TADA3: variants seen among roughly 807,000 people sequenced by gnomAD.
TADA3 encodes the protein transcriptional adaptor 3.
Under a neutral mutation model 43.2 loss-of-function variants are expected in TADA3, and 25 were observed. The ratio of observed to expected loss-of-function variants is 0.58; its 90% CI spans 0.42 to 0.81. TADA3 has a LOEUF of 0.81. Among genes scored for constraint, TADA3 ranks in the 30% least tolerant of loss-of-function variants. The pLI is 0.00. For missense variants in TADA3, 441 were observed against 567.8 expected (o/e 0.78, Z 2.27); for synonymous variants, 235 against 225.5 (o/e 1.04, Z -0.38).
Position 9,789,498 on chromosome 3 carries a change from A to G in TADA3, c.564+11T>C. ...TTCCGCATCATGTCTATCAAGGCCC[A>G]GAGTTTCTACCTTGTAATGCTCAGC... On this transcript the variant is annotated intron_variant, in intron 4 of 8. Transcript: ENST00000301964. 6.2e-7 allele frequency: 1 copy of G among 1,612,006 alleles called. No individual in the cohort carries two copies. The highest frequency in any genetic ancestry group is 8.5e-7 in the Non-Finnish European group (1 of 1,178,572).
intron 2 of TADA3, among the ~76,000 whole-genome samples, chr3:9,790,463 G>A (rs909419105): frequency 1.3e-5 from 2 of 152,124 alleles, no homozygotes; most frequent in African/African-American, 2.4e-5. Flanking sequence ...CAGCTCCAAC[G>A]TGCACCCAAT....
rs1240378309 is a variant in TADA3 at position 9,787,211 on chromosome 3, G to C, written c.694C>G (p.Leu232Val). The change falls in exon 5 of 9, where the codon CTG becomes GTG. Residue 232 changes from leucine to valine, a missense_variant. Physicochemically the swap from Leu to Val is conservative, Grantham distance 32. Transcript: ENST00000301964. ...KKGLMGPLTE[L>V]DTKDVDALLK... ...GTGAGAGGCCTACCTTTAGTGTCCA[G>C]TTCGGTCAGTGGCCCCATGAGGCCT... The C allele has an allele frequency of 6.2e-7, 1 of 1,614,098 alleles. No individual in the cohort carries two copies. The highest frequency in any genetic ancestry group is 8.5e-7 in the Non-Finnish European group (1 of 1,180,040).
In TADA3 at chr3:9,787,222, G is replaced by A. The variant is rs1413495106; in HGVS notation, c.683C>T (p.Pro228Leu). The change falls in exon 5 of 9, where the codon CCA (proline) becomes CTA (leucine). Residue 228 changes from proline to leucine, a missense_variant. By Grantham distance (98) the Pro-to-Leu change is moderately conservative. Transcript: ENST00000301964. ...ACCTTTAGTGTCCAGTTCGGTCAGT[G>A]GCCCCATGAGGCCTTTCTTCTTGTC... is the stretch of plus-strand genomic sequence containing the variant. Reference protein sequence around the residue: ...VADKKKGLMGPLTELDTKDVD... With the variant: ...VADKKKGLMGLLTELDTKDVD... 1.2e-6 allele frequency: 2 copies of A among 1,614,192 alleles called. No individual in the cohort carries two copies. The highest frequency in any genetic ancestry group is 1.7e-5 in the Admixed American group (1 of 60,024).
chr3:9,792,577 G>A (rs2078765343), upstream of TADA3: 7 of 1,229,416 alleles, frequency 5.7e-6, no homozygotes, highest in Non-Finnish European at 6.1e-6. Context: ...CTCGAGCAAA[G>A]CCGCTAGAGG....
chr3:9,786,974 A>G, intron 6 of TADA3, 32 bp downstream of exon 6: 3 of 1,571,000 alleles, frequency 1.9e-6, no homozygotes, highest in South Asian at 1.1e-5. Flanking sequence ...CACAAAGTAA[A>G]TATGGTTCCT....
At chr3:9,783,008 A>C (rs957642837) in intron 8 of TADA3, 4 of 152,224 alleles carry the variant, frequency 2.6e-5, no homozygotes, top group South Asian at 4.1e-4. Flanking sequence ...TTGACATCAA[A>C]TGAATGGCAG....
chr3:9,781,296 TACATACACACAC>T (rs971521495), intron 8 of TADA3, among the ~76,000 whole-genome samples: 2 of 151,866 alleles, frequency 1.3e-5, no homozygotes, highest in East Asian at 1.9e-4. Context: ...TATATATATA[TACATACACACAC>T]ACAAACACAC....
In TADA3 at chr3:9,787,097, A is replaced by C. The variant is rs2078631765; in HGVS notation, c.719T>G (p.Leu240Arg). The C allele has an allele frequency of 6.2e-7, 1 of 1,614,230 alleles. No homozygotes were observed. Among genetic ancestry groups the C allele is most frequent in the South Asian group, 1.1e-5 (1 of 91,084 alleles). ...TELDTKDVDA[L>R]LKKSEAQHEQ... is the part of the protein sequence containing the mutation. The stretch of plus-strand genomic sequence containing the variant: ...ATGCTGGGCCTCAGACTTCTTCAGC[A>C]GGGCATCCACATCTAAGCGGGCACA... Residue 240 changes from leucine to arginine, a missense_variant, in exon 6 of 9, where the codon CTG (leucine) becomes CGG (arginine). Leu to Arg is a moderately radical substitution (Grantham distance 102). Transcript: ENST00000301964.
In TADA3 at chr3:9,780,227, C is replaced by G; in HGVS notation, c.*130G>C. 1.0e-6 allele frequency: 1 copy of G among 979,704 alleles called. No individual in the cohort carries two copies. Among genetic ancestry groups the G allele is most frequent in the South Asian group, 1.7e-5 (1 of 58,730 alleles). 60.7% of individuals were successfully genotyped at this position (979,704 alleles called of 1,614,324 possible). On this transcript the variant is annotated 3_prime_UTR_variant, in exon 9 of 9. Coordinates refer to ENST00000301964, the MANE Select transcript of TADA3 (RefSeq NM_006354.5). ...AGGCCAAAAGACCTCAGGGGAAGGGCCACGGCCCTCTAGAGACTGCCGCCA... is the reference window on the plus strand; with the variant it reads ...AGGCCAAAAGACCTCAGGGGAAGGGGCACGGCCCTCTAGAGACTGCCGCCA...
chr3:9,784,204 A>T lies in TADA3; in HGVS notation c.930T>A (p.His310Gln). ...RNQNKPFSVP[H>Q]TKSLESRIKE... ...TGATGCGGCTCTCCAGGGACTTAGT[A>T]TGCGGCACACTGCAGCGGGAGGCAG... Residue 310 changes from histidine to glutamine, a missense_variant, in exon 8 of 9, where the codon CAT becomes CAA. Transcript: ENST00000301964. 6.2e-7 allele frequency: 1 copy of T among 1,611,382 alleles called. No individual in the cohort carries two copies. Among genetic ancestry groups the T allele is most frequent in the Non-Finnish European group, 8.5e-7 (1 of 1,177,738 alleles).
At chr3:9,789,676 A>T in intron 3 of TADA3, 37 bp downstream of exon 3, 1 of 1,609,400 alleles carries the variant, frequency 6.2e-7, no homozygotes, top group Non-Finnish European at 8.5e-7. Flanking sequence ...CACCACCAGA[A>T]CCTTGAGGCC....
At chr3:9,792,684 C>G (rs549142449), upstream of TADA3, 4 of 1,233,350 alleles carry the variant, frequency 3.2e-6, no homozygotes, top group Non-Finnish European at 4.0e-6. Flanking sequence ...CAGTTAGCCC[C>G]GCCGAGCGCC....
At chr3:9,788,078 C>T (rs2078656913) in intron 4 of TADA3, 1 of 236,236 alleles carries the variant, frequency 4.2e-6, no homozygotes, top group South Asian at 5.4e-5. Context: ...GGACTTGATC[C>T]TGTAGATAAC....
upstream of TADA3, chr3:9,792,629 G>A (rs544778502): frequency 4.7e-5 from 58 of 1,231,398 alleles, 1 homozygote; most frequent in South Asian, 2.2e-3. Context: ...CCGGGGCACA[G>A]CCCGGGGCGG....
At chr3:9,788,725 A>G (rs1422135287) in intron 4 of TADA3, among the ~76,000 whole-genome samples, 1 of 151,748 alleles carries the variant, frequency 6.6e-6, no homozygotes, top group East Asian at 1.9e-4. Flanking sequence ...TTTTTAGTAG[A>G]GACGGCGTTT....
chr3:9,792,649 C>G (rs1164722045), upstream of TADA3: 3 of 1,229,870 alleles, frequency 2.4e-6, no homozygotes, highest in Non-Finnish European at 3.0e-6. Context: ...GGAGGCGGAG[C>G]TTGGCGGCCG....
At chr3:9,791,718 C>T (rs949262251) in intron 1 of TADA3, among the ~76,000 whole-genome samples, 1 of 152,238 alleles carries the variant, frequency 6.6e-6, no homozygotes, top group African/African-American at 2.4e-5. Context: ...TGAACAAGGA[C>T]CATTGTGATC....
At chr3:9,780,573 G>T in intron 8 of TADA3, 24 bp from the exon 9 acceptor site, 3 of 1,587,208 alleles carry the variant, frequency 1.9e-6, no homozygotes, top group South Asian at 1.1e-5. Flanking sequence ...CCAGCCAGGT[G>T]CCAGGGTCAG....
chr3:9,782,206 C>G (rs1001442171), intron 8 of TADA3, among the ~76,000 whole-genome samples: 5 of 152,204 alleles, frequency 3.3e-5, no homozygotes, highest in Admixed American at 2.0e-4. Flanking sequence ...CTCTGCTTCC[C>G]TCAGTGCCTC....
Sources: gnomAD v4.1 joint callset for allele counts (sites outside exome capture counted in the v4.1 genomes callset) on GRCh38, gnomAD v4.1.1 for gene constraint, MANE v1.5 for transcripts, NCBI Gene and HGNC (gene_info 2026-07-23, HGNC 2026-07-21) for gene names.